IDO2: variants seen among roughly 807,000 people sequenced by gnomAD.
The protein encoded by IDO2 is indoleamine 2,3-dioxygenase-like 1 protein.
IDO2 carries 46 observed loss-of-function variants against 45.1 expected under a neutral mutation model. The observed-to-expected ratio is 1.02, with a 90% confidence interval of 0.80 to 1.30. The LOEUF is 1.30. IDO2 is among the 50% of genes most tolerant of loss of function. The pLI is 0.00. For missense variants in IDO2, 544 were observed against 491.8 expected (o/e 1.11, Z -1.00); for synonymous variants, 218 against 184.9 (o/e 1.18, Z -1.45).
chr8:39,981,224 G>A (rs1281424051), intron 4 of IDO2, among the ~76,000 whole-genome samples: 2 of 151,812 alleles, frequency 1.3e-5, no homozygotes, highest in Admixed American at 6.6e-5. Flanking sequence ...ACAACGCCTG[G>A]CTAATTTTTA....
At chr8:39,965,572 A>T (rs973222781) in intron 3 of IDO2, among the ~76,000 whole-genome samples, 1 of 152,182 alleles carries the variant, frequency 6.6e-6, no homozygotes, top group African/African-American at 2.4e-5. Flanking sequence ...CCTAGAAGTC[A>T]TGTTCATGCA....
At chr8:39,944,834 G>C (rs1019168182) in intron 1 of IDO2, among the ~76,000 whole-genome samples, 9 of 152,140 alleles carry the variant, frequency 5.9e-5, no homozygotes, top group Non-Finnish European at 8.8e-5. Flanking sequence ...TTGAGCGATA[G>C]CCGTCTCTCG....
chr8:39,960,949 A>AT (rs201940115), intron 2 of IDO2, among the ~76,000 whole-genome samples: 23,154 of 151,816 alleles, frequency 0.15, 1,949 homozygotes, highest in East Asian at 0.27. Context: ...CGCCCAGCTA[A>AT]TTTTTTTGTA....
chr8:39,943,528 G>A (rs1205998415), intron 1 of IDO2, among the ~76,000 whole-genome samples: 1 of 151,958 alleles, frequency 6.6e-6, no homozygotes, highest in Non-Finnish European at 1.5e-5. Flanking sequence ...GCGAGGTCAG[G>A]AGATCGAGAC....
chr8:39,982,705 G>T, exon 5 of IDO2: 1 of 1,611,652 alleles, frequency 6.2e-7, no homozygotes, highest in African/African-American at 1.3e-5. Flanking sequence ...GGAACTTGGG[G>T]CTCCCTCCTA....
chr8:40,006,481 T>A (rs1366065277), intron 9 of IDO2, among the ~76,000 whole-genome samples: 1 of 152,170 alleles, frequency 6.6e-6, no homozygotes, highest in Non-Finnish European at 1.5e-5. Context: ...TAACCCACTG[T>A]GAATTAAGGA....
intron 7 of IDO2, among the ~76,000 whole-genome samples, chr8:39,989,222 C>T (rs1453307844): frequency 1.3e-5 from 2 of 152,004 alleles, no homozygotes; most frequent in East Asian, 1.9e-4. Flanking sequence ...GAAAACTCTC[C>T]CTCGTATCAT....
At chr8:39,988,944 C>T (rs1015999593) in intron 7 of IDO2, among the ~76,000 whole-genome samples, 1 of 152,076 alleles carries the variant, frequency 6.6e-6, no homozygotes, top group Non-Finnish European at 1.5e-5. Flanking sequence ...GAAGTCTTCC[C>T]AGCAGAGGGG....
intron 1 of IDO2, among the ~76,000 whole-genome samples, chr8:39,940,037 G>A (rs1807620299): frequency 1.4e-5 from 2 of 145,950 alleles, no homozygotes; most frequent in Non-Finnish European, 3.0e-5. Flanking sequence ...ATGGAAAGCT[G>A]ATCATGCAAC....
At chr8:40,015,881 T>C in exon 11 of IDO2, 1 of 369,932 alleles carries the variant, frequency 2.7e-6, no homozygotes, top group Non-Finnish European at 4.8e-6. Context: ...TGTATGCCAT[T>C]CTCTTTGCCA....
At chr8:39,985,620 A>T (rs2729472) in intron 6 of IDO2, 98 bp downstream of exon 6, 2 of 961,884 alleles carry the variant, frequency 2.1e-6, no homozygotes, top group Non-Finnish European at 3.2e-6. Flanking sequence ...TATATGTATA[A>T]TATAATATCA....
chr8:40,015,420 A>T (rs776333086), exon 11 of IDO2: 2 of 1,613,826 alleles, frequency 1.2e-6, no homozygotes, highest in Non-Finnish European at 1.7e-6. Flanking sequence ...GAGCTATCAC[A>T]TCACCATGGT....
At chr8:39,970,765 T>TA (rs1491482331) in intron 3 of IDO2, among the ~76,000 whole-genome samples, 1 of 101,488 alleles carries the variant, frequency 9.9e-6, no homozygotes, top group Non-Finnish European at 1.8e-5. Context: ...CAACCAGGAC[T>TA]TTTTTTTTTT....
At chr8:40,006,972 T>G (rs1802233967) in intron 9 of IDO2, among the ~76,000 whole-genome samples, 1 of 152,174 alleles carries the variant, frequency 6.6e-6, no homozygotes, top group African/African-American at 2.4e-5. Context: ...ATAACTCTAC[T>G]TTTAGATACT....
At chr8:40,014,902 A>C (rs1473471284) in intron 10 of IDO2, among the ~76,000 whole-genome samples, 1 of 152,182 alleles carries the variant, frequency 6.6e-6, no homozygotes, top group Non-Finnish European at 1.5e-5. Context: ...TAATCCCAAA[A>C]TTTTGGAAGT....
chr8:39,971,687 G>C (rs1480763390), intron 3 of IDO2, among the ~76,000 whole-genome samples: 1 of 152,238 alleles, frequency 6.6e-6, no homozygotes, highest in Admixed American at 6.5e-5. Flanking sequence ...GGATGACTTT[G>C]AGGGGTTCAA....
At chr8:39,973,342 G>T (rs1336174469) in intron 3 of IDO2, among the ~76,000 whole-genome samples, 4 of 151,958 alleles carry the variant, frequency 2.6e-5, no homozygotes, top group African/African-American at 9.7e-5. Context: ...CCACTGCAAG[G>T]ATCTAGAATT....
chr8:39,980,984 T>A (rs947324527), intron 4 of IDO2, among the ~76,000 whole-genome samples: 1 of 151,604 alleles, frequency 6.6e-6, no homozygotes, highest in East Asian at 1.9e-4. Context: ...ACTCCTGACC[T>A]CAGGTGATCC....
intron 2 of IDO2, among the ~76,000 whole-genome samples, chr8:39,953,914 CCT>C (rs1332809789): frequency 2.0e-5 from 3 of 152,148 alleles, no homozygotes; most frequent in Admixed American, 6.5e-5. Flanking sequence ...ACAAAAATTC[CCT>C]GTCTTGTCCT....
Sources: gnomAD v4.1 joint callset for allele counts (sites outside exome capture counted in the v4.1 genomes callset) on GRCh38, gnomAD v4.1.1 for gene constraint, MANE v1.5 for transcripts, NCBI Gene and HGNC (gene_info 2026-07-23, HGNC 2026-07-21) for gene names.